Variants in JMJD1C observed in about 807,000 individuals in gnomAD.
The protein encoded by JMJD1C is jumonji domain-containing protein 1C.
Under a neutral mutation model 245.3 loss-of-function variants are expected in JMJD1C, and 31 were observed. The observed-to-expected ratio is 0.13, with a 90% confidence interval of 0.09 to 0.17. JMJD1C has a LOEUF of 0.17. JMJD1C is among the 10% of genes least tolerant of loss of function. The pLI is 1.00. For synonymous variants in JMJD1C, 1,057 were observed against 1,017.4 expected, an observed-to-expected ratio of 1.04 and a Z score of -0.74; for missense variants, 2,691 against 3,000.2, an observed-to-expected ratio of 0.90 and a Z score of 2.41.
Position 63,200,690 on chromosome 10 carries a change from T to G in JMJD1C, c.5075-13A>C, listed in dbSNP as rs748272037. ...CGAGGAATGCCAGCTGTAAAATCAG[T>G]AGGAAAGTTTTAGCAAGATTATGCT... On this transcript the variant is annotated splice_polypyrimidine_tract_variant and intron_variant, in intron 10 of 25. Transcript: ENST00000399262. 2 of 1,611,764 alleles carry G rather than the reference T, an allele frequency of 1.2e-6. No homozygotes were observed. Among genetic ancestry groups the G allele is most frequent in the East Asian group, 2.2e-5 (1 of 44,794 alleles).
chr10:63,471,886 A>C lies in JMJD1C; in HGVS notation n.113+49852T>G, dbSNP rs532368301. Among the ~76,000 whole-genome samples the C allele has an allele frequency of 2.6e-5, 4 of 152,260 alleles. No homozygotes were observed. In the South Asian group the frequency reaches 8.3e-4, roughly 32 times the overall value. On this transcript the variant is annotated intron_variant and non_coding_transcript_variant, in intron 1 of 3. Coordinates refer to the JMJD1C transcript ENST00000633035. ...AATGCCTTCTCTACTAAAAATACAA[A>C]AATTAGCTGGGCATGGTGGCACATG...
intron 1 of JMJD1C, among the ~76,000 whole-genome samples, chr10:63,510,299 G>A (rs149352322): frequency 2.6e-5 from 4 of 152,158 alleles, no homozygotes; most frequent in South Asian, 2.1e-4. Flanking sequence ...CACCGCGCTC[G>A]GCCAATTTTG....
chr10:63,417,998 T>C (rs1460783899), intron 1 of JMJD1C, among the ~76,000 whole-genome samples: 5 of 152,228 alleles, frequency 3.3e-5, no homozygotes, highest in Non-Finnish European at 7.3e-5. Flanking sequence ...AAGATCAACA[T>C]TGAGACTGCA....
At chr10:63,315,579 C>T (rs144902681) in intron 2 of JMJD1C, among the ~76,000 whole-genome samples, 101 of 152,178 alleles carry the variant, frequency 6.6e-4, no homozygotes, top group African/African-American at 2.0e-3. Context: ...TGGCTCATGC[C>T]TATAATCCCA....
At chr10:63,420,683 C>T (rs147884029) in intron 1 of JMJD1C, among the ~76,000 whole-genome samples, 145 of 141,944 alleles carry the variant, frequency 1.0e-3, no homozygotes, top group Admixed American at 2.9e-3. Context: ...CATCTTTGCC[C>T]CAGCCTGGGT....
chr10:63,352,459 G>A (rs1166063030), intron 2 of JMJD1C, among the ~76,000 whole-genome samples: 1 of 151,864 alleles, frequency 6.6e-6, no homozygotes, highest in African/African-American at 2.4e-5. Context: ...CCAAAATGGT[G>A]AAACCCCATC....
intron 3 of JMJD1C, among the ~76,000 whole-genome samples, chr10:63,234,906 A>G (rs1306108116): frequency 6.6e-6 from 1 of 152,196 alleles, no homozygotes; most frequent in Non-Finnish European, 1.5e-5. Context: ...TCTGTAATAC[A>G]TTTTTTATGA....
At chr10:63,357,949 A>G (rs896924935) in intron 2 of JMJD1C, among the ~76,000 whole-genome samples, 1 of 180 alleles carries the variant, frequency 5.6e-3, no homozygotes, top group African/African-American at 6.0e-3. Flanking sequence ...GAACTAAATA[A>G]AAAAAAAAAA....
At chr10:63,255,737 T>G (rs1853815773) in intron 3 of JMJD1C, among the ~76,000 whole-genome samples, 1 of 152,094 alleles carries the variant, frequency 6.6e-6, no homozygotes, top group African/African-American at 2.4e-5. Flanking sequence ...TTACACAAAA[T>G]AAGAGAATAC....
At position 63,427,628 on chromosome 10, in the gene JMJD1C, A is replaced by T. The variant is rs1159213131; in HGVS notation, c.168+37867T>A. ...GCCCGGCTGATGGTGGTGGAGAAAC[A>T]GTGTGTTTACTGTATGAACTCTAAC... On this transcript the variant is annotated intron_variant, in intron 1 of 25. Coordinates refer to ENST00000399262, the MANE Select transcript of JMJD1C (RefSeq NM_032776.3). The T allele has an allele frequency of 5.8e-6, 8 of 1,375,916 alleles. No individual in the cohort carries two copies. In the East Asian group the frequency reaches 1.8e-4, roughly 32 times the overall value. 85.2% of individuals were successfully genotyped at this position (1,375,916 alleles called of 1,614,324 possible).
Position 63,207,438 on chromosome 10 carries a change from A to G in JMJD1C, c.4231T>C (p.Trp1411Arg). Reference protein sequence around the residue: ...SAADTTSVSSWGGSEVISSLS... With the variant: ...SAADTTSVSSRGGSEVISSLS... ...GAGGAAATTACTTCTGAACCACCCCAGCTGGAAACACTGGTAGTATCGGCA... is the reference window on the plus strand; with the variant it reads ...GAGGAAATTACTTCTGAACCACCCCGGCTGGAAACACTGGTAGTATCGGCA... The change falls in exon 10 of 26, where the codon TGG becomes CGG. Residue 1411 changes from tryptophan to arginine, a missense_variant. This residue lies in a region of JMJD1C where 1,562 missense variants were observed against 1,490.7 expected (regional missense o/e 1.05). Coordinates refer to ENST00000399262, the MANE Select transcript of JMJD1C (RefSeq NM_032776.3). 6.2e-7 allele frequency: 1 copy of G among 1,614,214 alleles called. No individual in the cohort carries two copies.
chr10:63,229,096 T>C (rs559588329), intron 3 of JMJD1C, among the ~76,000 whole-genome samples: 8 of 152,288 alleles, frequency 5.3e-5, no homozygotes, highest in South Asian at 2.1e-4. Context: ...AAGGACACGA[T>C]AGATTAATCT....
intron 2 of JMJD1C, among the ~76,000 whole-genome samples, chr10:63,298,162 C>T (rs1222985814): frequency 6.6e-6 from 1 of 152,210 alleles, no homozygotes; most frequent in Non-Finnish European, 1.5e-5. Context: ...TGCCCGGTCA[C>T]ACACCCCTCA....
chr10:63,279,997 A>G (rs1476314161), intron 2 of JMJD1C, among the ~76,000 whole-genome samples: 4 of 151,822 alleles, frequency 2.6e-5, no homozygotes, highest in Non-Finnish European at 5.9e-5. Flanking sequence ...TAAAAATACA[A>G]AAACTACCTG....
chr10:63,419,447 T>C lies in JMJD1C; in HGVS notation c.169-38965A>G, dbSNP rs140621479. On this transcript the variant is annotated intron_variant, in intron 1 of 25. Transcript: ENST00000399262. Reference sequence around the variant, plus strand: ...AGTTTGGGGGTTTTAAGCCATGTACTAATAAAACAGACAAGAACTACTGAG... The same window carrying C: ...AGTTTGGGGGTTTTAAGCCATGTACCAATAAAACAGACAAGAACTACTGAG... Among the ~76,000 whole-genome samples the C allele has an allele frequency of 1.0e-3, 159 of 152,154 alleles. 3 individuals are homozygous for C. In the East Asian group the frequency reaches 0.026, roughly 25 times the overall value.
At chr10:63,369,290 C>T (rs1589601479) in intron 2 of JMJD1C, among the ~76,000 whole-genome samples, 1 of 152,074 alleles carries the variant, frequency 6.6e-6, no homozygotes, top group East Asian at 1.9e-4. Flanking sequence ...TATGGAAGTG[C>T]ACCACCACAC....
intron 1 of JMJD1C, among the ~76,000 whole-genome samples, chr10:63,415,335 A>C (rs1401478093): frequency 6.6e-6 from 1 of 152,188 alleles, no homozygotes; most frequent in Non-Finnish European, 1.5e-5. Context: ...AAACCTTATC[A>C]GAAAGTACCA....
chr10:63,399,631 T>C (rs1948729737), intron 1 of JMJD1C, among the ~76,000 whole-genome samples: 1 of 152,200 alleles, frequency 6.6e-6, no homozygotes, highest in Non-Finnish European at 1.5e-5. Flanking sequence ...TATGATTAAA[T>C]GGTTTTTATT....
intron 2 of JMJD1C, among the ~76,000 whole-genome samples, chr10:63,327,130 T>C (rs908376523): frequency 2.0e-5 from 3 of 152,040 alleles, no homozygotes; most frequent in Non-Finnish European, 4.4e-5. Flanking sequence ...GATGCTACAG[T>C]GAGCTGTGAA....
Sources: allele counts gnomAD v4.1 joint callset (sites outside exome capture counted in the v4.1 genomes callset), GRCh38; gene constraint gnomAD v4.1.1; regional missense constraint gnomAD v4.1.1; transcripts MANE v1.5; gene names NCBI Gene and HGNC (gene_info 2026-07-23, HGNC 2026-07-21).